The following PDE2A variants were observed in gnomAD, a reference collection of about 807,000 sequenced individuals.
PDE2A encodes the protein cGMP-dependent 3',5'-cyclic phosphodiesterase.
Under a neutral mutation model 133.6 loss-of-function variants are expected in PDE2A, and 53 were observed. The observed-to-expected ratio is 0.40, with a 90% CI of 0.32 to 0.50. The LOEUF (loss-of-function observed/expected upper bound fraction) is 0.50. Ranked by LOEUF, PDE2A falls within the 20% of genes least tolerant of loss-of-function variation. The probability of loss-of-function intolerance (pLI) is 0.73; values close to 1 mark genes in which losing one functional copy is unlikely to be tolerated. For synonymous variants in PDE2A, 491 were observed against 490.2 expected (o/e 1.00, Z -0.02); for missense variants, 796 against 1,232.4 (o/e 0.65, Z 5.30).
In PDE2A at chr11:72,590,626, T is replaced by A. The variant is rs1379753716; in HGVS notation, c.550-46A>T. ...AGCGCGCCGCTCGCCCCAAGCTCGC[T>A]GCGCTTGCTGCAGCGGGATTCCTGC... is the stretch of plus-strand genomic sequence containing the variant. On this transcript the variant is annotated intron_variant, in intron 7 of 30. Transcript: ENST00000334456. This position sits in a 1 kb window ranked among gnomAD's most constrained non-coding sequence, Gnocchi z 4.8. The A allele has an allele frequency of 5.3e-6, 7 of 1,330,258 alleles. No individual in the cohort carries two copies. The highest frequency in any genetic ancestry group is 6.7e-6 in the Non-Finnish European group (7 of 1,044,638). The allele number at this position is 1,330,258 out of a possible 1,614,324, so 82.4% of individuals were successfully genotyped here.
chr11:72,580,816 A>C, intron 24 of PDE2A, 70 bp downstream of exon 24: 1 of 1,068,324 alleles, frequency 9.4e-7, no homozygotes, highest in Non-Finnish European at 1.5e-6. Context: ...ACCCATCTTC[A>C]GGCTGGGAGA....
At position 72,579,475 on chromosome 11, in the gene PDE2A, C is replaced by T. The variant is rs1019195765; in HGVS notation, c.2256+59G>A. On this transcript the variant is annotated intron_variant, in intron 26 of 30. Transcript: ENST00000334456. ...AGCCTCCACTCCTTGGCTCCTTATC[C>T]CACCTCCAGCCAGCTCCCAGCTCCC... 84 of 1,559,214 alleles carry T rather than the reference C, an allele frequency of 5.4e-5. No individual in the cohort carries two copies. In the African/African-American group the frequency reaches 1.0e-3, roughly 19 times the overall value.
intron 25 of PDE2A, among the ~76,000 whole-genome samples, chr11:72,580,371 G>A (rs1855666219): frequency 1.3e-5 from 2 of 152,124 alleles, no homozygotes; most frequent in African/African-American, 2.4e-5. Flanking sequence ...AGGGAAACAC[G>A]CTGAACACAA....
intron 2 of PDE2A, among the ~76,000 whole-genome samples, chr11:72,640,411 G>A (rs1565188066): frequency 2.0e-5 from 3 of 150,580 alleles, no homozygotes; most frequent in Admixed American, 6.6e-5. Context: ...GTACATGCAC[G>A]CACACACACA....
intron 1 of PDE2A, among the ~76,000 whole-genome samples, chr11:72,650,640 C>G (rs189911507): frequency 6.6e-6 from 1 of 152,108 alleles, no homozygotes; most frequent in Non-Finnish European, 1.5e-5. Context: ...CTGACTCCAG[C>G]CCTAGGAGTC....
intron 7 of PDE2A, 100 bp downstream of exon 7, chr11:72,591,197 G>T: frequency 1.0e-6 from 1 of 965,208 alleles, no homozygotes; most frequent in Non-Finnish European, 1.7e-6. Flanking sequence ...CAAAGCCGAA[G>T]CTGAAACCCA....
At chr11:72,613,571 G>C (rs576570495) in intron 2 of PDE2A, among the ~76,000 whole-genome samples, 24 of 151,756 alleles carry the variant, frequency 1.6e-4, no homozygotes, top group Non-Finnish European at 2.9e-4. Flanking sequence ...GAGTCTTGAC[G>C]TCTTTTCCCA....
intron 2 of PDE2A, among the ~76,000 whole-genome samples, chr11:72,621,062 T>C (rs1337951616): frequency 6.6e-6 from 1 of 152,066 alleles, no homozygotes; most frequent in African/African-American, 2.4e-5. Flanking sequence ...CATGCAATCC[T>C]CCTAAGAGCT....
intron 2 of PDE2A, among the ~76,000 whole-genome samples, chr11:72,634,332 C>T (rs778370352): frequency 1.3e-5 from 2 of 152,144 alleles, no homozygotes; most frequent in Non-Finnish European, 2.9e-5. Flanking sequence ...AAGAGGAAGA[C>T]GGAGGGATGA....
intron 3 of PDE2A, among the ~76,000 whole-genome samples, chr11:72,608,150 A>G (rs1857052122): frequency 6.6e-6 from 1 of 152,190 alleles, no homozygotes; most frequent in South Asian, 2.1e-4. Flanking sequence ...TGGGACAGAA[A>G]GAAAGCTGCT....
In PDE2A at chr11:72,623,056, G is replaced by A. The variant is rs557786956; in HGVS notation, c.145-14305C>T. ...AAAAAATGTAATCTCCCTTTCCAGC[G>A]ATCATGTCCTTCTCTGCAGCCCTCA... is the stretch of plus-strand genomic sequence containing the variant. On this transcript the variant is annotated intron_variant, in intron 2 of 30. Transcript: ENST00000334456. Among the ~76,000 whole-genome samples the A allele has an allele frequency of 5.9e-5, 9 of 152,082 alleles. 2 individuals carry two copies. Among genetic ancestry groups the A allele is most frequent in the African/African-American group, 2.2e-4 (9 of 41,462 alleles).
At chr11:72,644,474 A>G (rs986275841) in intron 1 of PDE2A, among the ~76,000 whole-genome samples, 4 of 152,254 alleles carry the variant, frequency 2.6e-5, no homozygotes, top group African/African-American at 9.6e-5. Flanking sequence ...GTCTGAGCTC[A>G]GTGCACAAGT....
At position 72,588,838 on chromosome 11, in the gene PDE2A, G is replaced by A. The variant is rs777008491; in HGVS notation, c.1016C>T (p.Ala339Val). 1 of 1,611,592 alleles carries A rather than the reference G, an allele frequency of 6.2e-7. No homozygotes were observed. The highest frequency in any genetic ancestry group is 2.2e-5 in the East Asian group (1 of 44,826). ...GGCCAAGGCCACCACCTGGTCAGTG[G>A]CCCGGCTGATGACAGGGACACAGAG... ...AMLCVPVISR[A>V]TDQVVALACA... The change falls in exon 13 of 31, where the codon GCC (alanine) becomes GTC (valine). Residue 339 changes from alanine (A) to valine (V), a missense_variant. Around this residue, in one of 7 missense-constraint regions of PDE2A, gnomAD observed 417 missense variants for 475.3 expected, o/e 0.88. Transcript: ENST00000334456.
Position 72,581,862 on chromosome 11 carries a change from T to A in PDE2A, c.1922+15A>T. ...GAGGGAGGCGAAGACTGGGGCTGTCTGTGGGCGCACGAACCGGGCCAGGGT... is the reference window on the plus strand; with the variant it reads ...GAGGGAGGCGAAGACTGGGGCTGTCAGTGGGCGCACGAACCGGGCCAGGGT... On this transcript the variant is annotated intron_variant, in intron 22 of 30. Transcript: ENST00000334456. 1 of 1,612,798 alleles carries A rather than the reference T, an allele frequency of 6.2e-7. No homozygotes were observed. The highest frequency in any genetic ancestry group is 1.1e-5 in the South Asian group (1 of 91,048).
chr11:72,623,635 C>T (rs1565177613), intron 2 of PDE2A, among the ~76,000 whole-genome samples: 1 of 152,114 alleles, frequency 6.6e-6, no homozygotes, highest in Non-Finnish European at 1.5e-5. Flanking sequence ...TCCTCCCACC[C>T]CACTAGTGCT....
intron 2 of PDE2A, among the ~76,000 whole-genome samples, chr11:72,612,529 C>T (rs1857258334): frequency 6.6e-6 from 1 of 152,174 alleles, no homozygotes; most frequent in Non-Finnish European, 1.5e-5. Flanking sequence ...CAACACCTTT[C>T]CTCTTCTGAG....
intron 3 of PDE2A, among the ~76,000 whole-genome samples, chr11:72,606,126 A>G (rs1227190870): frequency 1.3e-5 from 2 of 151,896 alleles, no homozygotes; most frequent in Admixed American, 1.3e-4. Context: ...GTTCCAGGCC[A>G]TGTCTTGGCA....
rs1244261817 is a variant in PDE2A at position 72,674,198 on chromosome 11, C to T, written c.10G>A (p.Ala4Thr). ...CTGCAGAGGATGGAGTGGCCGCATG[C>T]CTGCCCCATCACTCCTCATCGTCCG... Reference protein sequence around the residue: MGQACGHSILCRSQ... With the variant: MGQTCGHSILCRSQ... Residue 4 changes from alanine (A) to threonine (T), a missense_variant, in exon 1 of 31, where the codon GCA becomes ACA. Ala to Thr is a moderately conservative substitution (Grantham distance 58). This residue lies in a region of PDE2A where 417 missense variants were observed against 475.3 expected (regional missense o/e 0.88). Coordinates refer to ENST00000334456, the MANE Select transcript of PDE2A (RefSeq NM_002599.5). The T allele has an allele frequency of 6.2e-7, 1 of 1,610,670 alleles. No homozygotes were observed. Among genetic ancestry groups the T allele is most frequent in the Non-Finnish European group, 8.5e-7 (1 of 1,179,690 alleles).
rs1362658384 is a variant in PDE2A, at chr11:72,581,579, C to T, written c.1923-100G>A. The stretch of plus-strand genomic sequence containing the variant: ...ATGTCCCCTCCATCCCTGAGGGACC[C>T]TCCACAGCCTTCCTTGATGACTCTG... On this transcript the variant is annotated intron_variant, in intron 22 of 30. Transcript: ENST00000334456. 22 of 1,293,220 alleles carry T rather than the reference C, an allele frequency of 1.7e-5. No individual in the cohort carries two copies. In the South Asian group the frequency reaches 3.2e-4, roughly 19 times the overall value. The allele number at this position is 1,293,220 out of a possible 1,614,324, so 80.1% of individuals were successfully genotyped here.
Sources: gnomAD v4.1 joint callset for allele counts (sites outside exome capture counted in the v4.1 genomes callset) on GRCh38, gnomAD v4.1.1 for gene constraint, gnomAD v4.1.1 regional missense constraint, Gnocchi (gnomAD v3.1) non-coding constraint, MANE v1.5 for transcripts, NCBI Gene and HGNC (gene_info 2026-07-23, HGNC 2026-07-21) for gene names.